Variants in DNTTIP1 observed in about 807,000 individuals in gnomAD.
The protein encoded by DNTTIP1 is deoxynucleotidyltransferase terminal-interacting protein 1.
DNTTIP1 carries 22 observed loss-of-function variants against 52.9 expected under a neutral mutation model. The ratio of observed to expected loss-of-function variants is 0.42; its 90% CI spans 0.30 to 0.59. DNTTIP1 has a LOEUF of 0.59. Among genes scored for constraint, DNTTIP1 ranks in the 20% least tolerant of loss-of-function variants. The probability of loss-of-function intolerance (pLI) is 0.22; values close to 1 mark genes in which losing one functional copy is unlikely to be tolerated. For missense variants in DNTTIP1, 286 were observed against 435.5 expected (o/e 0.66, Z 3.06); for synonymous variants, 136 against 155.1 (o/e 0.88, Z 0.92).
intron 10 of DNTTIP1, among the ~76,000 whole-genome samples, chr20:45,808,376 C>G (rs1981717096): frequency 6.6e-6 from 1 of 152,208 alleles, no homozygotes; most frequent in African/African-American, 2.4e-5. Flanking sequence ...CACGGTGGCT[C>G]ACACCTGTAA....
At chr20:45,795,280 C>T in intron 3 of DNTTIP1, 65 bp from the exon 4 acceptor site, 1 of 877,022 alleles carries the variant, frequency 1.1e-6, no homozygotes. Context: ...ATTTTATATT[C>T]AGTTTCCTTC....
At chr20:45,795,553 C>T (rs1981212421) in intron 4 of DNTTIP1, 110 bp downstream of exon 4, 4 of 632,118 alleles carry the variant, frequency 6.3e-6, no homozygotes, top group South Asian at 1.9e-5. Context: ...AATCCCAGCA[C>T]TGTGGGAGGC....
At chr20:45,795,176 A>C (rs1395489492) in intron 3 of DNTTIP1, among the ~76,000 whole-genome samples, 169 bp from the exon 4 acceptor site, 1 of 152,152 alleles carries the variant, frequency 6.6e-6, no homozygotes, top group East Asian at 1.9e-4. Flanking sequence ...TAAAGGGAGG[A>C]GGTCAAGCCT....
chr20:45,797,100 A>C (rs1981266394), intron 4 of DNTTIP1, among the ~76,000 whole-genome samples: 1 of 152,184 alleles, frequency 6.6e-6, no homozygotes, highest in Non-Finnish European at 1.5e-5. Flanking sequence ...GTCCAGAGTT[A>C]CATTCACCGT....
chr20:45,800,715 AT>A (rs1342677418), intron 4 of DNTTIP1, among the ~76,000 whole-genome samples: 2 of 8,728 alleles, frequency 2.3e-4, no homozygotes, highest in Non-Finnish European at 5.2e-4. Flanking sequence ...ATATATATAT[AT>A]ATATATATAT....
chr20:45,800,562 T>C (rs931118756), intron 4 of DNTTIP1, among the ~76,000 whole-genome samples: 4 of 150,430 alleles, frequency 2.7e-5, no homozygotes, highest in African/African-American at 9.8e-5. Context: ...TAATCTCAGC[T>C]GCCTGGGAGG....
intron 4 of DNTTIP1, among the ~76,000 whole-genome samples, chr20:45,799,871 G>A (rs1227003562): frequency 6.9e-6 from 1 of 145,140 alleles, no homozygotes; most frequent in Non-Finnish European, 1.6e-5. Context: ...ACTTTGGGAG[G>A]CTGAGGCGGG....
At position 45,803,394 on chromosome 20, in the gene DNTTIP1, C is replaced by T. The variant is rs191937871; in HGVS notation, c.603+16C>T. The stretch of plus-strand genomic sequence containing the variant: ...AGGCCCCAAGGTATGATTATGTGAG[C>T]ATGGCAGAGATCACGATCCCAGGAG... On this transcript the variant is annotated intron_variant, in intron 8 of 12. Coordinates refer to ENST00000372622, the MANE Select transcript of DNTTIP1 (RefSeq NM_052951.3). 2.8e-5 allele frequency: 45 copies of T among 1,613,968 alleles called. No homozygotes were observed. Among genetic ancestry groups the T allele is most frequent in the Non-Finnish European group, 3.6e-5 (42 of 1,179,912 alleles).
In DNTTIP1 at chr20:45,805,293, T is replaced by A. The variant is rs370252098; in HGVS notation, c.663-13T>A. On this transcript the variant is annotated splice_polypyrimidine_tract_variant and intron_variant, in intron 9 of 12. Coordinates refer to ENST00000372622, the MANE Select transcript of DNTTIP1 (RefSeq NM_052951.3). ...CTTTCTGGAATCTTGACCACTTGGC[T>A]TTTACTTTTCAGAGCCCTGGGGATG... 1 of 1,614,008 alleles carries A rather than the reference T, an allele frequency of 6.2e-7. No individual in the cohort carries two copies. The highest frequency in any genetic ancestry group is 1.3e-5 in the African/African-American group (1 of 74,908).
chr20:45,801,911 C>T, intron 6 of DNTTIP1, 88 bp from the exon 7 acceptor site: 1 of 1,282,868 alleles, frequency 7.8e-7, no homozygotes, highest in Non-Finnish European at 1.1e-6. Flanking sequence ...CTTTGGAAAA[C>T]CATCTCTGCC....
intron 4 of DNTTIP1, among the ~76,000 whole-genome samples, chr20:45,799,408 A>G (rs1387013082): frequency 6.6e-6 from 1 of 152,158 alleles, no homozygotes; most frequent in African/African-American, 2.4e-5. Flanking sequence ...GGTGAACCCA[A>G]TTCTCCACCT....
intron 4 of DNTTIP1, among the ~76,000 whole-genome samples, chr20:45,799,952 CA>C (rs11360135): frequency 0.57 from 70,901 of 125,330 alleles, 20,099 homozygotes; most frequent in Admixed American, 0.66. Flanking sequence ...CTAAAAATAC[CA>C]AAAAAAAAAA....
rs558837341 is a variant in DNTTIP1, at chr20:45,793,859, G to A, written c.177-62G>A. 3.9e-5 allele frequency: 40 copies of A among 1,028,376 alleles called. No homozygotes were observed. The African/African-American group carries it at 5.5e-4, about 14-fold the overall frequency. 63.7% of individuals were successfully genotyped at this position (1,028,376 alleles called of 1,614,324 possible). A position where few individuals can be genotyped will look rare whatever the true frequency, so the allele number is the denominator to read the frequency against. ...GAATTCTATGTCCATAATTAACTGGGGAGGCTGGGAAAGAATATGTTTGGG... is the reference window on the plus strand; with the variant it reads ...GAATTCTATGTCCATAATTAACTGGAGAGGCTGGGAAAGAATATGTTTGGG... On this transcript the variant is annotated intron_variant, in intron 2 of 12. Transcript: ENST00000372622.
chr20:45,803,777 T>C (rs1981550205), intron 8 of DNTTIP1, among the ~76,000 whole-genome samples: 1 of 152,214 alleles, frequency 6.6e-6, no homozygotes, highest in South Asian at 2.1e-4. Context: ...AGCTTCCCTG[T>C]GGGCATAAAT....
intron 4 of DNTTIP1, among the ~76,000 whole-genome samples, chr20:45,799,324 A>ACAGGAG (rs1410508205): frequency 1.6e-4 from 24 of 152,384 alleles, no homozygotes; most frequent in Middle Eastern, 3.4e-3. Context: ...AAGTGTGGCC[A>ACAGGAG]CAGGAGCCTG....
intron 6 of DNTTIP1, among the ~76,000 whole-genome samples, chr20:45,801,757 C>T (rs1981480780): frequency 6.6e-6 from 1 of 152,190 alleles, no homozygotes; most frequent in African/African-American, 2.4e-5. Context: ...CACTGCACTC[C>T]AGGCTGAGTA....
chr20:45,796,527 C>T (rs1981245091), intron 4 of DNTTIP1: 1 of 471,028 alleles, frequency 2.1e-6, no homozygotes, highest in Non-Finnish European at 4.4e-6. Context: ...TGCCTCCCTG[C>T]CTCTCTGGTG....
At chr20:45,797,211 TC>T (rs761372550) in intron 4 of DNTTIP1, among the ~76,000 whole-genome samples, 31 of 152,254 alleles carry the variant, frequency 2.0e-4, no homozygotes, top group Non-Finnish European at 4.4e-4. Context: ...TCAGTGACTT[TC>T]CTGTTGCAGG....
At chr20:45,803,048 A>AGGT (rs1981524388) in intron 7 of DNTTIP1, 1 of 402,220 alleles carries the variant, frequency 2.5e-6, no homozygotes, top group African/African-American at 2.0e-5. Context: ...AACACAAGAT[A>AGGT]GGTAGGGCAG....
Sources: allele counts gnomAD v4.1 joint callset (sites outside exome capture counted in the v4.1 genomes callset), GRCh38; gene constraint gnomAD v4.1.1; transcripts MANE v1.5; gene names NCBI Gene and HGNC (gene_info 2026-07-23, HGNC 2026-07-21).